Variants in TBC1D22A observed in about 807,000 individuals in gnomAD.
The protein encoded by TBC1D22A is putative GTPase activator.
Under a neutral mutation model 60.2 loss-of-function variants are expected in TBC1D22A, and 38 were observed. The ratio of observed to expected loss-of-function variants is 0.63; its 90% CI spans 0.49 to 0.83. The LOEUF (loss-of-function observed/expected upper bound fraction) is 0.83, where lower values mean the gene tolerates loss of function less well. Among genes scored for constraint, TBC1D22A ranks in the 40% least tolerant of loss-of-function variants. The pLI, the probability that TBC1D22A is intolerant of heterozygous loss-of-function variation, is 0.00. For missense variants in TBC1D22A, 628 were observed against 701.0 expected, an observed-to-expected ratio of 0.90 and a Z score of 1.18; for synonymous variants, 302 against 281.7, an observed-to-expected ratio of 1.07 and a Z score of -0.72.
intron 2 of TBC1D22A, chr22:46,792,939 G>A: frequency 8.3e-7 from 1 of 1,211,136 alleles, no homozygotes; most frequent in South Asian, 1.8e-5. Flanking sequence ...GCCCGGCCCT[G>A]GCCTGTCCTG....
intron 7 of TBC1D22A, among the ~76,000 whole-genome samples, chr22:46,897,664 T>C (rs1385830466): frequency 7.3e-5 from 11 of 150,352 alleles, no homozygotes; most frequent in Non-Finnish European, 1.3e-4. Flanking sequence ...TTTTTTTTTT[T>C]TTTTTAGTTC....
At chr22:46,985,048 C>T (rs1170393077) in intron 9 of TBC1D22A, among the ~76,000 whole-genome samples, 1 of 152,144 alleles carries the variant, frequency 6.6e-6, no homozygotes, top group Non-Finnish European at 1.5e-5. Flanking sequence ...GTTCAGGAGC[C>T]TCTGCCATGA....
At chr22:46,937,639 T>G (rs937931715) in intron 8 of TBC1D22A, among the ~76,000 whole-genome samples, 2 of 152,242 alleles carry the variant, frequency 1.3e-5, no homozygotes, top group Non-Finnish European at 1.5e-5. Context: ...GGCTGGTCTT[T>G]CAGGAGGTAT....
intron 4 of TBC1D22A, among the ~76,000 whole-genome samples, chr22:46,862,442 G>A (rs986137308): frequency 6.6e-6 from 1 of 152,160 alleles, no homozygotes; most frequent in Non-Finnish European, 1.5e-5. Flanking sequence ...GCCTTCCTCA[G>A]CCCCCTCTTG....
intron 11 of TBC1D22A, among the ~76,000 whole-genome samples, chr22:47,041,676 G>A (rs1015352229): frequency 3.3e-5 from 5 of 152,254 alleles, no homozygotes; most frequent in Admixed American, 2.0e-4. Context: ...ATCCCTGGGC[G>A]AGCCGAGTTT....
At chr22:47,005,782 TAC>T (rs926570613) in intron 10 of TBC1D22A, among the ~76,000 whole-genome samples, 7 of 149,926 alleles carry the variant, frequency 4.7e-5, no homozygotes, top group Non-Finnish European at 1.0e-4. Context: ...ATATCCAATA[TAC>T]ACACACAGCC....
chr22:46,764,994 C>T (rs2083236245), intron 1 of TBC1D22A, among the ~76,000 whole-genome samples: 1 of 152,240 alleles, frequency 6.6e-6, no homozygotes, highest in Non-Finnish European at 1.5e-5. Context: ...CTAATACAGT[C>T]TCCAGCTTTC....
At chr22:47,105,506 G>A (rs2065600059) in intron 11 of TBC1D22A, among the ~76,000 whole-genome samples, 1 of 152,200 alleles carries the variant, frequency 6.6e-6, no homozygotes, top group Non-Finnish European at 1.5e-5. Context: ...AAAACCTGGG[G>A]ACTGTTTTGT....
At chr22:46,942,709 C>T (rs2072248980) in intron 8 of TBC1D22A, among the ~76,000 whole-genome samples, 1 of 152,192 alleles carries the variant, frequency 6.6e-6, no homozygotes, top group South Asian at 2.1e-4. Context: ...GTAGCAGTCA[C>T]GTCGCCAGGC....
rs376179684 is a variant in TBC1D22A, at chr22:46,982,954, C to T, written c.1125+8555C>T. Among the ~76,000 whole-genome samples, 19 of 152,292 alleles carry T rather than the reference C, an allele frequency of 1.2e-4. No individual in the cohort carries two copies. In the East Asian group the frequency reaches 1.4e-3, roughly 11 times the overall value. ...AGTGGTTGCTGTCACTGGGAGATGC[C>T]GCTGCGTGGACAGCTCCGCCTGGGA... On this transcript the variant is annotated intron_variant, in intron 9 of 12. Coordinates refer to ENST00000337137, the MANE Select transcript of TBC1D22A (RefSeq NM_014346.5).
Position 46,897,557 on chromosome 22 carries a change from G to T in TBC1D22A, c.900+2711G>T, listed in dbSNP as rs545332482. 3.5e-4 allele frequency among the ~76,000 whole-genome samples: 42 copies of T among 120,830 alleles called. No individual in the cohort carries two copies. In the East Asian group the frequency reaches 7.8e-3, roughly 22 times the overall value. The allele number at this position is 120,830 out of a possible 152,430, so 79.3% of individuals were successfully genotyped here. ...AGTTTTTCATCTGCCACGCAGAAGA[G>T]GGGTGGATTGTGAAGGCAGTAGCCT... On this transcript the variant is annotated intron_variant, in intron 7 of 12. Transcript: ENST00000337137.
intron 12 of TBC1D22A, among the ~76,000 whole-genome samples, chr22:47,171,705 G>A (rs1262529798): frequency 6.6e-6 from 1 of 152,218 alleles, no homozygotes; most frequent in Non-Finnish European, 1.5e-5. Flanking sequence ...AGCTGTGGAT[G>A]TGGGCGTGGT....
At chr22:46,957,758 C>T (rs2073283191) in intron 8 of TBC1D22A, among the ~76,000 whole-genome samples, 1 of 152,234 alleles carries the variant, frequency 6.6e-6, no homozygotes, top group South Asian at 2.1e-4. Flanking sequence ...AGAGGTGAGG[C>T]TGTGCCTGGG....
intron 10 of TBC1D22A, among the ~76,000 whole-genome samples, chr22:47,003,969 A>G (rs911131463): frequency 1.5e-4 from 20 of 136,302 alleles, no homozygotes; most frequent in African/African-American, 4.5e-4. Flanking sequence ...ATGCCTGTAT[A>G]CACACCCTAC....
intron 11 of TBC1D22A, among the ~76,000 whole-genome samples, chr22:47,107,586 A>G (rs1170430307): frequency 6.6e-6 from 1 of 152,252 alleles, no homozygotes; most frequent in Non-Finnish European, 1.5e-5. Context: ...AGAAGATCTG[A>G]TTAAACGAAG....
At chr22:47,033,991 G>A (rs1268535829) in intron 10 of TBC1D22A, among the ~76,000 whole-genome samples, 2 of 152,222 alleles carry the variant, frequency 1.3e-5, no homozygotes, top group Non-Finnish European at 2.9e-5. Flanking sequence ...GGGATGAGCA[G>A]CCGTGGGATT....
intron 12 of TBC1D22A, among the ~76,000 whole-genome samples, chr22:47,154,959 G>A (rs911214321): frequency 1.4e-4 from 21 of 152,224 alleles, no homozygotes; most frequent in Non-Finnish European, 2.8e-4. Flanking sequence ...TGCCCGCTGG[G>A]CATTTCTTGA....
chr22:46,837,861 G>C (rs1462349763), intron 4 of TBC1D22A, among the ~76,000 whole-genome samples: 3 of 152,208 alleles, frequency 2.0e-5, no homozygotes, highest in Admixed American at 2.0e-4. Flanking sequence ...AGGAGTTCAA[G>C]ACCAGCCTGG....
chr22:47,058,868 G>T (rs1273815376), intron 11 of TBC1D22A, among the ~76,000 whole-genome samples: 4 of 152,160 alleles, frequency 2.6e-5, no homozygotes, highest in Admixed American at 6.5e-5. Flanking sequence ...AATGGGGCCC[G>T]CTGGACCCAG....
Sources: gnomAD v4.1 joint callset for allele counts (sites outside exome capture counted in the v4.1 genomes callset) on GRCh38, gnomAD v4.1.1 for gene constraint, MANE v1.5 for transcripts, NCBI Gene and HGNC (gene_info 2026-07-23, HGNC 2026-07-21) for gene names.